The following ASB11 variants were observed in gnomAD, a reference collection of about 807,000 sequenced individuals.
ASB11 encodes ankyrin repeat and SOCS box protein 11.
A neutral mutation model predicts 20.1 loss-of-function variants in ASB11; 17 were observed. The observed-to-expected ratio is 0.85, with a 90% CI of 0.58 to 1.27. ASB11 has a LOEUF of 1.27. Ranked by LOEUF, ASB11 falls within the 50% of genes most tolerant of loss-of-function variation. The probability of loss-of-function intolerance (pLI) is 0.00; values close to 1 mark genes in which losing one functional copy is unlikely to be tolerated. For missense variants in ASB11, 259 were observed against 256.9 expected (o/e 1.01, Z -0.06); for synonymous variants, 107 against 105.6 (o/e 1.01, Z -0.08).
chrX:15,287,836 A>T, intron 6 of ASB11, 45 bp downstream of exon 6: 2 of 1,139,232 alleles, frequency 1.8e-6, no homozygotes, highest in Non-Finnish European at 2.4e-6. Context: ...GGAAGGGGAG[A>T]GAATGTGCTT....
At chrX:15,304,190 C>CA (rs1921160390) in intron 1 of ASB11, among the ~76,000 whole-genome samples, 1 of 112,261 alleles carries the variant, frequency 8.9e-6, no homozygotes, top group Non-Finnish European at 1.9e-5. Flanking sequence ...AAAATCCCAG[C>CA]AAAAATGGAA....
At chrX:15,314,712 T>G (rs372034466) in intron 1 of ASB11, among the ~76,000 whole-genome samples, 1 of 108,689 alleles carries the variant, frequency 9.2e-6, no homozygotes, top group East Asian at 2.8e-4. Flanking sequence ...TAAATACTCC[T>G]CTATTAAGTG....
intron 2 of ASB11, among the ~76,000 whole-genome samples, chrX:15,300,280 G>T (rs753684357): frequency 4.3e-4 from 48 of 111,671 alleles, no homozygotes; most frequent in Non-Finnish European, 6.2e-4. Flanking sequence ...TGGAGGAGTA[G>T]AATGTTCAAA....
In ASB11 at chrX:15,283,579, C is replaced by G. The variant is rs758878984; in HGVS notation, c.898G>C (p.Gly300Arg). 1 of 1,209,726 alleles carries G rather than the reference C, an allele frequency of 8.3e-7. No individual in the cohort carries two copies. ...LCRLCVRKCL[G>R]RACHQAIHKL... ...TGGATGGCTTGATGACATGCTCGAC[C>G]GAGACACTTCCGGACACACAGGCGG... Residue 300 changes from glycine (G) to arginine (R), a missense_variant, in exon 7 of 7, where the codon GGT (glycine) becomes CGT (arginine). Gly to Arg is a moderately radical substitution (Grantham distance 125). Coordinates refer to ENST00000480796, the MANE Select transcript of ASB11 (RefSeq NM_080873.3).
Position 15,314,457 on chromosome X carries a change from C to G in ASB11, c.181+968G>C, listed in dbSNP as rs779003157. The G allele has an allele frequency of 1.3e-5, 15 of 1,197,195 alleles. No individual in the cohort carries two copies. In the African/African-American group the frequency reaches 2.2e-4, roughly 17 times the overall value. On this transcript the variant is annotated intron_variant, in intron 1 of 6. Coordinates refer to ENST00000480796, the MANE Select transcript of ASB11 (RefSeq NM_080873.3). ...TGATACGTTCTGAAACTTCACAATT[C>G]TTCTCATTTTCCCCAGTTAATTGAA...
At chrX:15,283,711 C>T (rs1927261470) in intron 6 of ASB11, 82 bp from the exon 7 acceptor site, 18 of 1,082,326 alleles carry the variant, frequency 1.7e-5, no homozygotes, top group Admixed American at 6.9e-5. Context: ...CTGGAAGAGG[C>T]GGAAATTTTC....
chrX:15,289,842 G>T, intron 4 of ASB11: 1 of 311,720 alleles, frequency 3.2e-6, no homozygotes, highest in African/African-American at 2.7e-5. Flanking sequence ...TGGCCAACAT[G>T]GTGAAACCCC....
At chrX:15,311,020 T>C (rs1781984297) in intron 1 of ASB11, among the ~76,000 whole-genome samples, 1 of 112,095 alleles carries the variant, frequency 8.9e-6, no homozygotes. Context: ...ATGAAACAAA[T>C]CTTCTGTAGC....
chrX:15,300,081 A>G (rs1921019043), intron 2 of ASB11, among the ~76,000 whole-genome samples: 1 of 112,743 alleles, frequency 8.9e-6, no homozygotes, highest in African/African-American at 3.2e-5. Context: ...GAGTTAGAAA[A>G]AGTCTTTTCA....
intron 1 of ASB11, among the ~76,000 whole-genome samples, chrX:15,311,583 G>A (rs1291431200): frequency 1.8e-5 from 2 of 112,252 alleles, no homozygotes; most frequent in Admixed American, 1.9e-4. Flanking sequence ...GTCAAATCAT[G>A]GTCAGTCCAT....
chrX:15,311,390 G>A (rs933205385), intron 1 of ASB11, among the ~76,000 whole-genome samples: 9 of 112,614 alleles, frequency 8.0e-5, no homozygotes, highest in African/African-American at 1.9e-4. Context: ...GGAAAAGCCA[G>A]CAGGCACCTG....
At chrX:15,302,465 A>G (rs1267965056) in intron 2 of ASB11, among the ~76,000 whole-genome samples, 2 of 111,893 alleles carry the variant, frequency 1.8e-5, no homozygotes, top group Admixed American at 9.5e-5. Flanking sequence ...AGCATTCTCT[A>G]TCATTCCTCA....
chrX:15,309,967 CAAAAAAAAAAA>C (rs60765469), intron 1 of ASB11, among the ~76,000 whole-genome samples: 11 of 15,529 alleles, frequency 7.1e-4, no homozygotes, highest in Non-Finnish European at 1.3e-3. Context: ...GACTCCGTCT[CAAAAAAAAAAA>C]AAAAAAAAAA....
chrX:15,308,620 C>T (rs1017440496), intron 1 of ASB11, among the ~76,000 whole-genome samples: 1 of 111,915 alleles, frequency 8.9e-6, no homozygotes, highest in African/African-American at 3.3e-5. Context: ...AATGGTAACA[C>T]CCCAAAATGC....
chrX:15,299,402 C>A (rs746607632), intron 2 of ASB11, among the ~76,000 whole-genome samples: 17 of 111,999 alleles, frequency 1.5e-4, no homozygotes, highest in Non-Finnish European at 2.4e-4. Flanking sequence ...GAAAATTTTT[C>A]TGATTGGCAA....
chrX:15,301,878 G>T (rs1015810975), intron 2 of ASB11, among the ~76,000 whole-genome samples: 1 of 111,975 alleles, frequency 8.9e-6, no homozygotes, highest in Admixed American at 9.5e-5. Flanking sequence ...TTAAAATAGT[G>T]TATCATTGGG....
intron 6 of ASB11, 35 bp from the exon 7 acceptor site, chrX:15,283,664 G>A: frequency 8.4e-7 from 1 of 1,197,454 alleles, no homozygotes; most frequent in Non-Finnish European, 1.1e-6. Flanking sequence ...TAACTTCATA[G>A]TGGTGGGAGG....
intron 3 of ASB11, among the ~76,000 whole-genome samples, chrX:15,297,271 AGAGT>A (rs1920974001): frequency 1.8e-5 from 2 of 111,920 alleles, no homozygotes; most frequent in Non-Finnish European, 3.8e-5. Flanking sequence ...CCTGGGCGAC[AGAGT>A]GAGACTCCGT....
intron 1 of ASB11, among the ~76,000 whole-genome samples, chrX:15,306,146 C>T (rs1921238769): frequency 8.9e-6 from 1 of 111,798 alleles, no homozygotes; most frequent in Admixed American, 9.5e-5. Flanking sequence ...TGTATATGTA[C>T]CACATTTTCT....
Sources: gnomAD v4.1 joint callset for allele counts (sites outside exome capture counted in the v4.1 genomes callset) on GRCh38, gnomAD v4.1.1 for gene constraint, MANE v1.5 for transcripts, NCBI Gene and HGNC (gene_info 2026-07-23, HGNC 2026-07-21) for gene names.